The following LTBP4 variants were observed in gnomAD, a reference collection of about 807,000 sequenced individuals.
LTBP4 encodes latent transforming growth factor beta binding protein 4.
In LTBP4, 93 loss-of-function variants were observed where a neutral mutation model predicts 180.2. The observed-to-expected ratio is 0.52, with a 90% CI of 0.44 to 0.61. The LOEUF (loss-of-function observed/expected upper bound fraction) is 0.61, where lower values mean the gene tolerates loss of function less well. Among genes scored for constraint, LTBP4 ranks in the 20% least tolerant of loss-of-function variants. LTBP4 has a pLI of 0.00. For synonymous variants in LTBP4, 947 were observed against 934.5 expected (o/e 1.01, Z -0.24); for missense variants, 2,116 against 2,256.5 (o/e 0.94, Z 1.26).
intron 15 of LTBP4, 149 bp downstream of exon 15, chr19:40,612,341 C>A (rs2081514025): frequency 7.2e-6 from 8 of 1,106,430 alleles, no homozygotes; most frequent in African/African-American, 1.6e-5. Flanking sequence ...CTGACCTGGA[C>A]CACAACTCTT....
rs943464012 is a variant in LTBP4 at position 40,611,709 on chromosome 19, C to G, written c.2054-150C>G. 1 of 1,262,252 alleles carries G rather than the reference C, an allele frequency of 7.9e-7. No individual in the cohort carries two copies. Among genetic ancestry groups the G allele is most frequent in the East Asian group, 2.6e-5 (1 of 39,152 alleles). The allele number at this position is 1,262,252 out of a possible 1,614,324, so 78.2% of individuals were successfully genotyped here. On this transcript the variant is annotated intron_variant, in intron 13 of 29. Coordinates refer to ENST00000396819, the MANE Select transcript of LTBP4 (RefSeq NM_001042545.2). The surrounding 1 kb of genome is among the most constrained non-coding windows in gnomAD (Gnocchi z 4.4). ...CTGGAGAGACCATTGAATGGGGACA[C>G]GAGGAAGGTGTCTGTCTTCCTGGGA...
chr19:40,605,676 G>A lies in LTBP4; in HGVS notation c.690+24G>A. Reference sequence around the variant, plus strand: ...AAGTGAGAGGAGGCCCGTGGGGAGGGGCCCGGAGCTTGCCTCCGCGCGGGG... The same window carrying A: ...AAGTGAGAGGAGGCCCGTGGGGAGGAGCCCGGAGCTTGCCTCCGCGCGGGG... On this transcript the variant is annotated intron_variant, in intron 3 of 29. Transcript: ENST00000396819. This position sits in a 1 kb window ranked among gnomAD's most constrained non-coding sequence, Gnocchi z 5.5. 2 of 1,551,158 alleles carry A rather than the reference G, an allele frequency of 1.3e-6. No homozygotes were observed. The highest frequency in any genetic ancestry group is 1.7e-6 in the Non-Finnish European group (2 of 1,148,352).
At chr19:40,607,554 C>A in intron 7 of LTBP4, 25 bp downstream of exon 7, 2 of 1,584,180 alleles carry the variant, frequency 1.3e-6, no homozygotes. Context: ...CAGTGCCTAG[C>A]CCTACGCGCA....
chr19:40,608,107 A>C, intron 7 of LTBP4, 113 bp from the exon 8 acceptor site: 2 of 1,174,442 alleles, frequency 1.7e-6, no homozygotes, highest in Admixed American at 3.9e-5. Context: ...TCCAGCTCAA[A>C]CCCCTGACAC....
intron 28 of LTBP4, 136 bp from the exon 29 acceptor site, chr19:40,627,569 G>A: frequency 3.0e-6 from 4 of 1,313,918 alleles, no homozygotes; most frequent in South Asian, 2.9e-5. Context: ...TACTGGCCCC[G>A]CAGCACCCGC....
chr19:40,611,049 G>C lies in LTBP4; in HGVS notation c.1811-103G>C. ...GATGATGGTGACAAGGAGGAATAGA[G>C]ATGGGGTCACGGGGACAGAATGTTG... On this transcript the variant is annotated intron_variant, in intron 12 of 29. Transcript: ENST00000396819. The surrounding 1 kb of genome is among the most constrained non-coding windows in gnomAD (Gnocchi z 4.4). 1 of 1,480,280 alleles carries C rather than the reference G, an allele frequency of 6.8e-7. No individual in the cohort carries two copies. Among genetic ancestry groups the C allele is most frequent in the Non-Finnish European group, 9.3e-7 (1 of 1,076,926 alleles). The allele number at this position is 1,480,280 out of a possible 1,614,324, so 91.7% of individuals were successfully genotyped here. A position where few individuals can be genotyped will look rare whatever the true frequency, so the allele number is the denominator to read the frequency against.
In LTBP4 at chr19:40,601,468, G is replaced by T. The variant is rs2081423399; in HGVS notation, c.81G>T (p.Arg27=). ...AQLGPQPGLG[R]LGERLRVRFT... ...TAGGGCCGCAGCCTGGACTGGGCCGGCTCGGAGAGCGTCTCCGCGTGCGCT... is the reference window on the plus strand; with the variant it reads ...TAGGGCCGCAGCCTGGACTGGGCCGTCTCGGAGAGCGTCTCCGCGTGCGCT... The change falls in exon 1 of 30, where the codon CGG becomes CGT. Residue 27 remains arginine, a synonymous_variant. Coordinates refer to ENST00000396819, the MANE Select transcript of LTBP4 (RefSeq NM_001042545.2). The T allele has an allele frequency of 6.7e-7, 1 of 1,492,302 alleles. No individual in the cohort carries two copies. Among genetic ancestry groups the T allele is most frequent in the African/African-American group, 1.5e-5 (1 of 68,734 alleles). 92.4% of individuals were successfully genotyped at this position (1,492,302 alleles called of 1,614,324 possible). A position where few individuals can be genotyped will look rare whatever the true frequency, so the allele number is the denominator to read the frequency against.
chr19:40,610,297 C>A, intron 11 of LTBP4: 1 of 560,862 alleles, frequency 1.8e-6, no homozygotes, highest in Non-Finnish European at 3.2e-6. Context: ...TAGCCCCTAC[C>A]CCACCTTCCC....
rs112481822 is a variant in LTBP4, at chr19:40,623,734, T to C, written c.3685+2T>C. 1 of 1,613,646 alleles carries C rather than the reference T, an allele frequency of 6.2e-7. No homozygotes were observed. Among genetic ancestry groups the C allele is most frequent in the Non-Finnish European group, 8.5e-7 (1 of 1,179,728 alleles). Reference sequence around the variant, plus strand: ...ACACACAGCGGCTGGAGTGCATCGGTACAAGCCCCACCTCCCCCAACCCCC... The same window carrying C: ...ACACACAGCGGCTGGAGTGCATCGGCACAAGCCCCACCTCCCCCAACCCCC... On this transcript the variant is annotated splice_donor_variant, in intron 25 of 29. Transcript: ENST00000396819. LOFTEE classifies it high-confidence loss of function.
chr19:40,601,984 T>C (rs1213326714), intron 1 of LTBP4, among the ~76,000 whole-genome samples: 4 of 150,206 alleles, frequency 2.7e-5, no homozygotes, highest in African/African-American at 7.4e-5. Flanking sequence ...GAGTAAGGAG[T>C]CCCCGGGGAC....
In LTBP4 at chr19:40,625,957, G is replaced by C; in HGVS notation, c.3933G>C (p.Leu1311=). 6.2e-7 allele frequency: 1 copy of C among 1,608,532 alleles called. No homozygotes were observed. The highest frequency in any genetic ancestry group is 8.5e-7 in the Non-Finnish European group (1 of 1,177,812). The stretch of plus-strand genomic sequence containing the variant: ...CCACCTACACAGAGTGCTGCTGCCT[G>C]TATGGAGAGGCCTGGGGCATGGACT... ...RQATYTECCC[L]YGEAWGMDCA... Residue 1311 remains leucine (L), a synonymous_variant, in exon 27 of 30, where the codon CTG becomes CTC. Coordinates refer to ENST00000396819, the MANE Select transcript of LTBP4 (RefSeq NM_001042545.2).
Position 40,617,226 on chromosome 19 carries a change from G to T in LTBP4, c.3070+1G>T. 1 of 1,612,008 alleles carries T rather than the reference G, an allele frequency of 6.2e-7. No individual in the cohort carries two copies. Among genetic ancestry groups the T allele is most frequent in the African/African-American group, 1.3e-5 (1 of 75,016 alleles). On this transcript the variant is annotated splice_donor_variant, in intron 21 of 29. Coordinates refer to ENST00000396819, the MANE Select transcript of LTBP4 (RefSeq NM_001042545.2). LOFTEE classifies it high-confidence loss of function. ...GCACGGGATGGGCGTCACTGCGTGG[G>T]TACGGGACTTCAGGAGGTGGATGGG...
intron 29 of LTBP4, among the ~76,000 whole-genome samples, chr19:40,628,851 T>C (rs935187806): frequency 6.6e-6 from 1 of 151,996 alleles, no homozygotes; most frequent in African/African-American, 2.4e-5. Context: ...TTTTCTTCTT[T>C]TTTTTTTCTT....
chr19:40,604,987 A>G, intron 1 of LTBP4, 48 bp from the exon 2 acceptor site: 1 of 1,547,688 alleles, frequency 6.5e-7, no homozygotes, highest in Non-Finnish European at 8.8e-7. Context: ...CCCCAGGAGA[A>G]CCTGCCAGGA....
chr19:40,609,129 C>T lies in LTBP4; in HGVS notation c.1427-401C>T, dbSNP rs1211077784. ...CATTTAACCTCTGAGACTCAGTTTT[C>T]TCATTGGTAAAATGGGGATGGTTGT... On this transcript the variant is annotated intron_variant, in intron 9 of 29. Coordinates refer to ENST00000396819, the MANE Select transcript of LTBP4 (RefSeq NM_001042545.2). This position sits in a 1 kb window ranked among gnomAD's most constrained non-coding sequence, Gnocchi z 4.9. Among the ~76,000 whole-genome samples the T allele has an allele frequency of 6.6e-6, 1 of 152,130 alleles. No homozygotes were observed. Among genetic ancestry groups the T allele is most frequent in the Non-Finnish European group, 1.5e-5 (1 of 68,046 alleles).
Position 40,619,369 on chromosome 19 carries a change from A to G in LTBP4, c.3093A>G (p.Leu1031=). The G allele has an allele frequency of 6.2e-7, 1 of 1,613,934 alleles. No homozygotes were observed. The highest frequency in any genetic ancestry group is 8.5e-7 in the Non-Finnish European group (1 of 1,179,862). The change falls in exon 22 of 30, where the codon CTA becomes CTG. Residue 1031 remains leucine, a synonymous_variant. Coordinates refer to ENST00000396819, the MANE Select transcript of LTBP4 (RefSeq NM_001042545.2). ...CAGATGTGAACGAGTGTGAAACACT[A>G]CAGGGTGTATGTGGAGCTGCCCTGT... ...HCVDVNECET[L]QGVCGAALCE...
chr19:40,594,024 C>T (rs1222266466), intron 1 of LTBP4, among the ~76,000 whole-genome samples: 1 of 151,970 alleles, frequency 6.6e-6, no homozygotes, highest in African/African-American at 2.4e-5. Flanking sequence ...AAACTCCTGA[C>T]CTCAAGTGAT....
rs986737978 is a variant in LTBP4 at position 40,609,467 on chromosome 19, TA to T, written c.1427-62del. ...TGGATGTCTCCGGGGGTGGGGGTTT[TA>T]CTGGGATGAAAGGAACGGAGGATTC... On this transcript the variant is annotated intron_variant, in intron 9 of 29. Transcript: ENST00000396819. This position sits in a 1 kb window ranked among gnomAD's most constrained non-coding sequence, Gnocchi z 4.9. 1.0e-5 allele frequency: 16 copies of T among 1,587,084 alleles called. No homozygotes were observed. Among genetic ancestry groups the T allele is most frequent in the Non-Finnish European group, 1.4e-5 (16 of 1,160,180 alleles).
At chr19:40,601,313 G>A, upstream of LTBP4, 13 of 949,446 alleles carry the variant, frequency 1.4e-5, no homozygotes, top group Non-Finnish European at 1.5e-5. Context: ...CCTCCCCCGC[G>A]GGCGGGCGGG....
Sources: gnomAD v4.1 joint callset for allele counts (sites outside exome capture counted in the v4.1 genomes callset) on GRCh38, gnomAD v4.1.1 for gene constraint, Gnocchi (gnomAD v3.1) non-coding constraint, MANE v1.5 for transcripts, NCBI Gene and HGNC (gene_info 2026-07-23, HGNC 2026-07-21) for gene names.